The following BCAT1 variants were observed in gnomAD, a reference collection of about 807,000 sequenced individuals.
BCAT1 encodes branched chain amino acid transaminase 1.
Under a neutral mutation model 52.4 loss-of-function variants are expected in BCAT1, and 48 were observed. The ratio of observed to expected loss-of-function variants is 0.92; its 90% confidence interval spans 0.73 to 1.16. BCAT1 has a LOEUF of 1.16. Among genes scored for constraint, BCAT1 ranks in the 50% most tolerant of loss-of-function variants. The pLI is 0.00. For missense variants in BCAT1, 451 were observed against 457.1 expected, an observed-to-expected ratio of 0.99 and a Z score of 0.12; for synonymous variants, 167 against 161.3, an observed-to-expected ratio of 1.04 and a Z score of -0.27.
chr12:24,885,743 T>C (rs1363669149), intron 3 of BCAT1, among the ~76,000 whole-genome samples: 1 of 152,102 alleles, frequency 6.6e-6, no homozygotes, highest in Non-Finnish European at 1.5e-5. Flanking sequence ...AGCAAACTCA[T>C]GTGTACATGA....
chr12:24,821,780 G>T (rs986241497), intron 10 of BCAT1, among the ~76,000 whole-genome samples: 54 of 152,286 alleles, frequency 3.5e-4, no homozygotes, highest in Non-Finnish European at 7.4e-4. Context: ...TAATTTAAAG[G>T]CCTTACGGGA....
chr12:24,836,091 T>G (rs925476474), intron 8 of BCAT1, among the ~76,000 whole-genome samples: 1 of 152,192 alleles, frequency 6.6e-6, no homozygotes, highest in African/African-American at 2.4e-5. Context: ...GTGAAATTAT[T>G]TCATTTCTAC....
intron 1 of BCAT1, among the ~76,000 whole-genome samples, chr12:24,908,732 C>A (rs1196504767): frequency 2.0e-5 from 3 of 152,100 alleles, no homozygotes; most frequent in Admixed American, 1.3e-4. Flanking sequence ...CAGAGCAAGA[C>A]CCTGTCTTAA....
rs74727361 is a variant in BCAT1, at chr12:24,943,138, A to G, written c.6+5789T>C. On this transcript the variant is annotated intron_variant, in intron 1 of 10. Transcript: ENST00000261192. ...GGCTTTAATAACCAATAATTTAGATATAAAACTTTGTGTCTATATGTGTTT... is the reference window on the plus strand; with the variant it reads ...GGCTTTAATAACCAATAATTTAGATGTAAAACTTTGTGTCTATATGTGTTT... Among the ~76,000 whole-genome samples, 476 of 152,360 alleles carry G rather than the reference A, an allele frequency of 3.1e-3. 6 individuals are homozygous for G. The highest frequency in any genetic ancestry group is 0.011 in the African/African-American group (452 of 41,580).
intron 10 of BCAT1, among the ~76,000 whole-genome samples, chr12:24,826,568 T>G (rs148314952): frequency 4.6e-5 from 7 of 152,306 alleles, no homozygotes; most frequent in African/African-American, 1.7e-4. Context: ...AGTAAGGTAG[T>G]GTGGTGATTC....
intron 5 of BCAT1, among the ~76,000 whole-genome samples, chr12:24,866,933 T>C (rs1942036897): frequency 6.6e-6 from 1 of 152,162 alleles, no homozygotes; most frequent in Non-Finnish European, 1.5e-5. Flanking sequence ...GGAAGCTTTG[T>C]TCTCTCGCTC....
intron 1 of BCAT1, among the ~76,000 whole-genome samples, chr12:24,941,738 T>A (rs1021187138): frequency 6.6e-6 from 1 of 152,210 alleles, no homozygotes; most frequent in African/African-American, 2.4e-5. Context: ...GTATCTTATT[T>A]CCTGACTTCA....
At chr12:24,892,516 G>A (rs1189182885) in intron 3 of BCAT1, among the ~76,000 whole-genome samples, 1 of 152,152 alleles carries the variant, frequency 6.6e-6, no homozygotes. Flanking sequence ...CATTAAGTTT[G>A]AGAACCAGTG....
At chr12:24,935,211 A>G (rs1943734309) in intron 1 of BCAT1, among the ~76,000 whole-genome samples, 1 of 151,920 alleles carries the variant, frequency 6.6e-6, no homozygotes, top group Admixed American at 6.6e-5. Context: ...GCTAGAAACC[A>G]CCTCTCATTG....
At chr12:24,899,385 T>C (rs1333570729) in intron 2 of BCAT1, among the ~76,000 whole-genome samples, 1 of 152,114 alleles carries the variant, frequency 6.6e-6, no homozygotes, top group Non-Finnish European at 1.5e-5. Flanking sequence ...AAATAACAGA[T>C]GCTGATGAGG....
chr12:24,905,525 G>T (rs1388100391), intron 1 of BCAT1, among the ~76,000 whole-genome samples: 1 of 152,090 alleles, frequency 6.6e-6, no homozygotes, highest in Non-Finnish European at 1.5e-5. Flanking sequence ...CCAATGAAAG[G>T]GCCCATGGAA....
At chr12:24,920,188 A>G (rs1943481516) in intron 1 of BCAT1, among the ~76,000 whole-genome samples, 1 of 152,222 alleles carries the variant, frequency 6.6e-6, no homozygotes, top group African/African-American at 2.4e-5. Context: ...GAAGATCTCA[A>G]TCTGTGTCAG....
chr12:24,922,106 C>T (rs888748834), intron 1 of BCAT1, among the ~76,000 whole-genome samples: 2 of 152,172 alleles, frequency 1.3e-5, no homozygotes, highest in African/African-American at 4.8e-5. Flanking sequence ...ATTTGAGTGA[C>T]TGTGTCAGTA....
intron 3 of BCAT1, among the ~76,000 whole-genome samples, chr12:24,892,064 G>GTT (rs1565485772): frequency 1.4e-5 from 2 of 143,600 alleles, no homozygotes; most frequent in African/African-American, 5.3e-5. Flanking sequence ...GCCGTTTTTT[G>GTT]TTTTGTTTTG....
At chr12:24,904,418 C>G (rs10743525) in intron 1 of BCAT1, 145,908 of 152,562 alleles carry the variant, frequency 0.96, 69,787 homozygotes, top group Non-Finnish European at 0.96. Flanking sequence ...GCCCAGGCTG[C>G]TCTCAAACTC....
intron 6 of BCAT1, among the ~76,000 whole-genome samples, chr12:24,844,641 G>A (rs1941280195): frequency 6.6e-6 from 1 of 151,938 alleles, no homozygotes; most frequent in African/African-American, 2.4e-5. Context: ...GCTCACGCCT[G>A]TAATCCCAGC....
chr12:24,819,668 T>C (rs1035862815), intron 10 of BCAT1, among the ~76,000 whole-genome samples: 1 of 152,170 alleles, frequency 6.6e-6, no homozygotes, highest in Non-Finnish European at 1.5e-5. Context: ...TATCACAATG[T>C]ACATGTGCTG....
At chr12:24,924,212 A>G (rs1943545234) in intron 1 of BCAT1, among the ~76,000 whole-genome samples, 1 of 152,244 alleles carries the variant, frequency 6.6e-6, no homozygotes, top group Non-Finnish European at 1.5e-5. Flanking sequence ...CTTGTAAGAA[A>G]ATAACAGTAA....
At chr12:24,943,550 T>A (rs4031159) in intron 1 of BCAT1, among the ~76,000 whole-genome samples, 55,046 of 145,132 alleles carry the variant, frequency 0.38, 12,136 homozygotes, top group Middle Eastern at 0.61. Context: ...CAAGAAAGCC[T>A]AGAACCTGGA....
Sources: allele counts gnomAD v4.1 joint callset (sites outside exome capture counted in the v4.1 genomes callset), GRCh38; gene constraint gnomAD v4.1.1; transcripts MANE v1.5; gene names NCBI Gene and HGNC (gene_info 2026-07-23, HGNC 2026-07-21).